The following BPTF variants were observed in gnomAD, a reference collection of about 807,000 sequenced individuals.
BPTF encodes nucleosome-remodeling factor subunit BPTF.
A neutral mutation model predicts 292.5 loss-of-function variants in BPTF; 18 were observed. The observed-to-expected ratio is 0.06, with a 90% CI of 0.04 to 0.09. The LOEUF (loss-of-function observed/expected upper bound fraction) is 0.09, where lower values mean the gene tolerates loss of function less well. Ranked by LOEUF, BPTF falls within the 10% of genes least tolerant of loss-of-function variation. The pLI, the probability that BPTF is intolerant of heterozygous loss-of-function variation, is 1.00. For missense variants in BPTF, 2,726 were observed against 3,498.7 expected (o/e 0.78, Z 5.57); for synonymous variants, 1,225 against 1,251.9 (o/e 0.98, Z 0.45).
intron 23 of BPTF, among the ~76,000 whole-genome samples, chr17:67,953,337 C>T (rs2066572776): frequency 2.0e-5 from 3 of 149,716 alleles, no homozygotes; most frequent in African/African-American, 4.9e-5. Context: ...GCTCCTGCAA[C>T]CTCCTCCTCC....
Position 67,922,706 on chromosome 17 carries a change from A to T in BPTF, c.5558-134A>T. 5 of 921,672 alleles carry T rather than the reference A, an allele frequency of 5.4e-6. No homozygotes were observed. In the South Asian group the frequency reaches 9.2e-5, roughly 17 times the overall value. 57.1% of individuals were successfully genotyped at this position (921,672 alleles called of 1,614,324 possible). On this transcript the variant is annotated intron_variant, in intron 13 of 27. Transcript: ENST00000306378. ...GGCTGCTTTCATGATACAAAGGCACAGCTGAGTAGCTGCAGCAGAGACCAT... is the reference window on the plus strand; with the variant it reads ...GGCTGCTTTCATGATACAAAGGCACTGCTGAGTAGCTGCAGCAGAGACCAT...
At chr17:67,828,574 G>A (rs2056338531) in intron 1 of BPTF, among the ~76,000 whole-genome samples, 1 of 152,148 alleles carries the variant, frequency 6.6e-6, no homozygotes, top group Non-Finnish European at 1.5e-5. Flanking sequence ...TGCTGCCCAG[G>A]CTGGAGTGCA....
chr17:67,889,098 A>G (rs2060935767), intron 4 of BPTF, among the ~76,000 whole-genome samples: 1 of 152,178 alleles, frequency 6.6e-6, no homozygotes, highest in Non-Finnish European at 1.5e-5. Flanking sequence ...TGCTGGTATC[A>G]TTAAACAGTG....
intron 26 of BPTF, among the ~76,000 whole-genome samples, chr17:67,969,501 T>C (rs2068529084): frequency 6.7e-6 from 1 of 149,786 alleles, no homozygotes; most frequent in Non-Finnish European, 1.5e-5. Context: ...TTTGGTGTGT[T>C]CTTGTATGCA....
At chr17:67,949,756 G>A (rs917798273) in intron 23 of BPTF, among the ~76,000 whole-genome samples, 3 of 151,272 alleles carry the variant, frequency 2.0e-5, no homozygotes, top group Admixed American at 1.3e-4. Flanking sequence ...AAGAGAAGTA[G>A]GTTATCTCAA....
In BPTF at chr17:67,975,787, A is replaced by G. The variant is rs571415118; in HGVS notation, c.8555A>G (p.Glu2852Gly). Residue 2852 changes from glutamate to glycine, a missense_variant, in exon 27 of 28, where the codon GAA becomes GGA. Glu to Gly is a moderately conservative substitution (Grantham distance 98, BLOSUM62 -2). This residue lies in a region of BPTF where 27 missense variants were observed against 66.1 expected (regional missense o/e 0.41). Coordinates refer to ENST00000306378, the MANE Select transcript of BPTF (RefSeq NM_182641.4). ...TGTTTTTAAGACCTTGCCACCATGG[A>G]AGAAAGAGTACAAAGACGATATTAT... ...IKEPMDLATMEERVQRRYYEK... is the reference protein window; with the variant it reads ...IKEPMDLATMGERVQRRYYEK... 2.5e-6 allele frequency: 4 copies of G among 1,610,756 alleles called. No homozygotes were observed. The African/African-American group carries it at 5.3e-5, about 22-fold the overall frequency.
chr17:67,911,422 C>G lies in BPTF; in HGVS notation c.3538C>G (p.Pro1180Ala), dbSNP rs993173557. The change falls in exon 11 of 28, where the codon CCG (proline) becomes GCG (alanine). Residue 1180 changes from proline (P) to alanine (A), a missense_variant. Transcript: ENST00000306378. ...CATTCGGAGCCCAGAAACAAAATGT[C>G]CGAAACAAAATTCCATTGAAAATGA... ...VSIRSPETKCPKQNSIENDIE... is the reference protein window; with the variant it reads ...VSIRSPETKCAKQNSIENDIE... 1.2e-6 allele frequency: 2 copies of G among 1,614,092 alleles called. No homozygotes were observed. The highest frequency in any genetic ancestry group is 8.5e-7 in the Non-Finnish European group (1 of 1,180,000).
intron 23 of BPTF, 114 bp downstream of exon 23, chr17:67,948,420 A>T: frequency 1.0e-6 from 1 of 965,382 alleles, no homozygotes; most frequent in Non-Finnish European, 1.5e-6. Flanking sequence ...TAGAACTTAC[A>T]TTTGTGTACA....
chr17:67,853,499 G>A (rs1290146949), intron 1 of BPTF, among the ~76,000 whole-genome samples: 1 of 152,216 alleles, frequency 6.6e-6, no homozygotes, highest in Non-Finnish European at 1.5e-5. Flanking sequence ...GCAGCTGACA[G>A]TGTGAGATCT....
chr17:67,887,995 C>T (rs2060852341), intron 4 of BPTF, among the ~76,000 whole-genome samples: 1 of 152,204 alleles, frequency 6.6e-6, no homozygotes, highest in Non-Finnish European at 1.5e-5. Flanking sequence ...ATGGCCAGGG[C>T]AGGCAAGGTA....
intron 1 of BPTF, among the ~76,000 whole-genome samples, chr17:67,845,113 C>T (rs1036060076): frequency 6.6e-6 from 1 of 151,958 alleles, no homozygotes; most frequent in Non-Finnish European, 1.5e-5. Context: ...GTGCACGTCT[C>T]CTCCTCAGCA....
intron 2 of BPTF, among the ~76,000 whole-genome samples, chr17:67,857,027 A>T (rs2058729557): frequency 6.6e-6 from 1 of 151,202 alleles, no homozygotes; most frequent in Non-Finnish European, 1.5e-5. Flanking sequence ...CTTCCTTTTT[A>T]GTTTGAGATC....
intron 25 of BPTF, chr17:67,965,806 C>T (rs1270353531): frequency 6.6e-6 from 1 of 151,864 alleles, no homozygotes; most frequent in Non-Finnish European, 1.5e-5. Flanking sequence ...TCTATAATCC[C>T]AACACTTTGG....
intron 4 of BPTF, among the ~76,000 whole-genome samples, chr17:67,876,348 G>C (rs2060048405): frequency 6.6e-6 from 1 of 152,198 alleles, no homozygotes; most frequent in African/African-American, 2.4e-5. Context: ...CAGTTCTTAT[G>C]GGGACGACTT....
chr17:67,837,135 T>C (rs572093108), intron 1 of BPTF, among the ~76,000 whole-genome samples: 1 of 152,316 alleles, frequency 6.6e-6, no homozygotes, highest in African/African-American at 2.4e-5. Flanking sequence ...AGTGCCCCCC[T>C]TTTTATTAAT....
intron 1 of BPTF, among the ~76,000 whole-genome samples, chr17:67,850,212 T>C (rs2058308338): frequency 1.3e-5 from 2 of 152,232 alleles, no homozygotes; most frequent in Non-Finnish European, 2.9e-5. Context: ...CTACTTAACA[T>C]TGGCAAACTT....
At chr17:67,893,316 A>G in intron 5 of BPTF, 54 bp from the exon 6 acceptor site, 2 of 1,093,082 alleles carry the variant, frequency 1.8e-6, no homozygotes, top group South Asian at 2.7e-5. Flanking sequence ...GATTAGATGA[A>G]ATTCACATCT....
At chr17:67,943,529 G>T (rs797034123) in intron 19 of BPTF, among the ~76,000 whole-genome samples, 1 of 152,202 alleles carries the variant, frequency 6.6e-6, no homozygotes, top group South Asian at 2.1e-4. Flanking sequence ...CTTACTTGGT[G>T]TTTGCATTAC....
intron 10 of BPTF, 68 bp from the exon 11 acceptor site, chr17:67,910,809 A>AAT (rs200868858): frequency 3.0e-5 from 31 of 1,037,056 alleles, no homozygotes; most frequent in Middle Eastern, 6.7e-4. Flanking sequence ...CAAAAAAAAA[A>AAT]ATATATATAT....
Sources: gnomAD v4.1 joint callset for allele counts (sites outside exome capture counted in the v4.1 genomes callset) on GRCh38, gnomAD v4.1.1 for gene constraint, gnomAD v4.1.1 regional missense constraint, MANE v1.5 for transcripts, NCBI Gene and HGNC (gene_info 2026-07-23, HGNC 2026-07-21) for gene names.